The following KMO variants were observed in gnomAD, a reference collection of about 807,000 sequenced individuals.
KMO encodes the protein kynurenine 3-hydroxylase.
In KMO, 24 loss-of-function variants were observed where a neutral mutation model predicts 57.8. The ratio of observed to expected loss-of-function variants is 0.42; its 90% CI spans 0.30 to 0.58. The LOEUF (loss-of-function observed/expected upper bound fraction) is 0.58, where lower values mean the gene tolerates loss of function less well. KMO is among the 20% of genes least tolerant of loss of function. The pLI is 0.22. For synonymous variants in KMO, 210 were observed against 193.6 expected (o/e 1.08, Z -0.70); for missense variants, 483 against 588.2 (o/e 0.82, Z 1.85).
At chr1:241,565,801 G>C (rs61825644) in intron 8 of KMO, among the ~76,000 whole-genome samples, 25,602 of 152,094 alleles carry the variant, frequency 0.17, 2,477 homozygotes, top group Middle Eastern at 0.23. Flanking sequence ...TGTTTCTCTG[G>C]TTGGGGTCTT....
At position 241,588,352 on chromosome 1, in the gene KMO, T is replaced by G. The variant is rs1573941787; in HGVS notation, c.1016-396T>G. ...TTCTTTTTTTTTTTTTTTTTTTTTT[T>G]TGGTTATTTCCCAGTCATCTCTCTC... On this transcript the variant is annotated intron_variant, in intron 11 of 14. Coordinates refer to ENST00000366559, the MANE Select transcript of KMO (RefSeq NM_003679.5). Among the ~76,000 whole-genome samples the G allele has an allele frequency of 1.3e-4, 13 of 98,910 alleles. No homozygotes were observed. In the South Asian group the frequency reaches 3.6e-3, roughly 27 times the overall value. The allele number at this position is 98,910 out of a possible 152,430, so 64.9% of individuals were successfully genotyped here.
intron 8 of KMO, among the ~76,000 whole-genome samples, chr1:241,565,972 A>T (rs1344383302): frequency 6.6e-6 from 1 of 152,210 alleles, no homozygotes; most frequent in East Asian, 1.9e-4. Context: ...TGGGAGGCCG[A>T]GGTGGGTGGA....
At chr1:241,569,555 C>T (rs549761189) in intron 10 of KMO, among the ~76,000 whole-genome samples, 10 of 152,084 alleles carry the variant, frequency 6.6e-5, no homozygotes, top group Non-Finnish European at 1.2e-4. Flanking sequence ...ATCCATTCAT[C>T]CATTGATGGA....
rs3193688 is a variant in KMO, at chr1:241,595,264, G to C, written c.*3111G>C. The C allele has an allele frequency of 0.13, 19,655 of 152,170 alleles. 1,570 individuals carry two copies. The highest frequency in any genetic ancestry group is 0.22 in the East Asian group (1,154 of 5,180). The allele number at this position is 152,170 out of a possible 1,614,324, so 9.4% of individuals were successfully genotyped here. A position where few individuals can be genotyped will look rare whatever the true frequency, so the allele number is the denominator to read the frequency against. On this transcript the variant is annotated 3_prime_UTR_variant, in exon 15 of 15. Transcript: ENST00000366559. ...TTCTCCGTGTCCTGGGTACAACATC[G>C]AATAATATTTCTTGGCCTCCTTTCC...
intron 7 of KMO, 111 bp from the exon 8 acceptor site, chr1:241,564,876 C>G: frequency 1.5e-6 from 1 of 664,796 alleles, no homozygotes; most frequent in South Asian, 1.8e-5. Context: ...TGCGTATCAT[C>G]GTGTAGATGC....
chr1:241,541,478 T>C (rs960207799), intron 1 of KMO, among the ~76,000 whole-genome samples: 1 of 152,186 alleles, frequency 6.6e-6, no homozygotes, highest in East Asian at 1.9e-4. Flanking sequence ...GAGATGCCTA[T>C]AGACAGGTTC....
At chr1:241,585,798 A>T (rs1426978956) in intron 10 of KMO, among the ~76,000 whole-genome samples, 2 of 151,780 alleles carry the variant, frequency 1.3e-5, no homozygotes, top group South Asian at 2.1e-4. Flanking sequence ...AAGAAAAAAA[A>T]TCTTTATACT....
intron 1 of KMO, among the ~76,000 whole-genome samples, chr1:241,543,533 C>T (rs537398387): frequency 1.3e-5 from 2 of 152,110 alleles, no homozygotes; most frequent in African/African-American, 2.4e-5. Flanking sequence ...GGCTATTCCC[C>T]GCTTTTTTGT....
intron 10 of KMO, among the ~76,000 whole-genome samples, chr1:241,574,698 G>A (rs977820458): frequency 6.6e-6 from 1 of 151,938 alleles, no homozygotes; most frequent in Non-Finnish European, 1.5e-5. Context: ...TTGCACTGAT[G>A]TTCATCAGGG....
intron 1 of KMO, chr1:241,536,488 C>G: frequency 1.0e-6 from 1 of 985,094 alleles, no homozygotes; most frequent in Non-Finnish European, 1.2e-6. Context: ...CGAAAGTGAT[C>G]AGAGCAAAAA....
chr1:241,535,365 G>C (rs1414494), intron 1 of KMO, among the ~76,000 whole-genome samples: 1,522 of 151,756 alleles, frequency 0.01, 22 homozygotes, highest in African/African-American at 0.035. Flanking sequence ...AAAAAAATGA[G>C]AGTTGAGAAC....
intron 4 of KMO, among the ~76,000 whole-genome samples, chr1:241,554,222 TTTTC>T (rs1430017233): frequency 7.9e-6 from 1 of 126,356 alleles, no homozygotes; most frequent in Non-Finnish European, 1.8e-5. Flanking sequence ...TACATAATAC[TTTTC>T]TTTCCTTCCT....
chr1:241,576,470 C>T (rs1376810813), intron 10 of KMO, among the ~76,000 whole-genome samples: 1 of 151,990 alleles, frequency 6.6e-6, no homozygotes, highest in African/African-American at 2.4e-5. Context: ...TAAAAAATTC[C>T]CTCAGCATTT....
At chr1:241,585,281 C>T (rs1662928153) in intron 10 of KMO, among the ~76,000 whole-genome samples, 2 of 151,824 alleles carry the variant, frequency 1.3e-5, no homozygotes, top group Admixed American at 1.3e-4. Context: ...TTAATAATGT[C>T]TACCTCAGAG....
chr1:241,560,469 CT>C (rs1226265618), intron 5 of KMO, among the ~76,000 whole-genome samples, 195 bp from the exon 6 acceptor site: 1 of 152,160 alleles, frequency 6.6e-6, no homozygotes, highest in Non-Finnish European at 1.5e-5. Context: ...TTTTATTCAT[CT>C]GTTTTACTAC....
chr1:241,580,740 T>C (rs965336136), intron 10 of KMO, among the ~76,000 whole-genome samples: 4 of 152,110 alleles, frequency 2.6e-5, no homozygotes, highest in Non-Finnish European at 5.9e-5. Context: ...TTTTTAAAAA[T>C]TTTTTGAGAT....
At chr1:241,580,180 G>A (rs1044401786) in intron 10 of KMO, among the ~76,000 whole-genome samples, 2 of 152,124 alleles carry the variant, frequency 1.3e-5, no homozygotes, top group African/African-American at 4.8e-5. Context: ...CTTTTAAAGG[G>A]TCTTATGGTT....
intron 10 of KMO, among the ~76,000 whole-genome samples, chr1:241,577,328 T>G (rs1335445090): frequency 6.6e-6 from 1 of 152,162 alleles, no homozygotes; most frequent in African/African-American, 2.4e-5. Flanking sequence ...TTACCGGAAT[T>G]ATTTTTCTGG....
At chr1:241,548,945 T>G in intron 2 of KMO, 47 bp downstream of exon 2, 153 of 1,311,966 alleles carry the variant, frequency 1.2e-4, no homozygotes, top group Non-Finnish European at 1.6e-4. Context: ...GCACGGTGGC[T>G]CCTGGCACTT....
Sources: gnomAD v4.1 joint callset for allele counts (sites outside exome capture counted in the v4.1 genomes callset) on GRCh38, gnomAD v4.1.1 for gene constraint, MANE v1.5 for transcripts, NCBI Gene and HGNC (gene_info 2026-07-23, HGNC 2026-07-21) for gene names.